The following LCLAT1 variants were observed in gnomAD, a reference collection of about 807,000 sequenced individuals.
The protein encoded by LCLAT1 is 1-AGP acyltransferase 8.
In LCLAT1, 11 loss-of-function variants were observed where a neutral mutation model predicts 30.7. That is an observed-to-expected ratio of 0.36 (90% CI 0.23 to 0.59). LCLAT1 has a LOEUF of 0.59. Among genes scored for constraint, LCLAT1 ranks in the 20% least tolerant of loss-of-function variants. LCLAT1 has a pLI of 0.77. For synonymous variants in LCLAT1, 155 were observed against 151.3 expected (o/e 1.02, Z -0.18); for missense variants, 402 against 458.6 (o/e 0.88, Z 1.13).
intron 5 of LCLAT1, among the ~76,000 whole-genome samples, chr2:30,590,129 T>C (rs1004529568): frequency 6.6e-6 from 1 of 152,162 alleles, no homozygotes; most frequent in Non-Finnish European, 1.5e-5. Flanking sequence ...GAGAAGTTTT[T>C]TAGAATCTGT....
At chr2:30,590,057 G>T (rs142154496) in intron 5 of LCLAT1, among the ~76,000 whole-genome samples, 1 of 152,076 alleles carries the variant, frequency 6.6e-6, no homozygotes, top group Non-Finnish European at 1.5e-5. Flanking sequence ...TCTGCCTTCA[G>T]TGTTGCCTTT....
intron 3 of LCLAT1, among the ~76,000 whole-genome samples, chr2:30,544,293 G>T (rs1664292145): frequency 6.6e-6 from 1 of 152,120 alleles, no homozygotes; most frequent in African/African-American, 2.4e-5. Flanking sequence ...GACCGATAGG[G>T]TCTTAACTCC....
chr2:30,501,423 TA>T (rs1276436894), intron 1 of LCLAT1, among the ~76,000 whole-genome samples: 2 of 152,084 alleles, frequency 1.3e-5, no homozygotes, highest in African/African-American at 4.8e-5. Context: ...ATAGATTTTG[TA>T]AAGAATATGA....
chr2:30,580,282 A>G (rs1434315093), intron 5 of LCLAT1, among the ~76,000 whole-genome samples: 7 of 152,308 alleles, frequency 4.6e-5, no homozygotes, highest in South Asian at 2.1e-4. Flanking sequence ...CTTTTCCAGC[A>G]TAGTTGGCCT....
rs1032132276 is a variant in LCLAT1, at chr2:30,559,615, A to G, written c.365-2531A>G. ...ACCTTTTTATTATTATAGATAATCT[A>G]TAGCTTTATTTAATTTTTGGCTTTG... On this transcript the variant is annotated intron_variant, in intron 3 of 5. Coordinates refer to ENST00000379509, the MANE Select transcript of LCLAT1 (RefSeq NM_001002257.3). 1.3e-5 allele frequency among the ~76,000 whole-genome samples: 2 copies of G among 152,322 alleles called. 1 individual carries two copies. Among genetic ancestry groups the G allele is most frequent in the South Asian group, 4.1e-4 (2 of 4,826 alleles).
At chr2:30,476,476 G>A (rs1005830866) in intron 1 of LCLAT1, 2 of 456,460 alleles carry the variant, frequency 4.4e-6, no homozygotes, top group African/African-American at 4.0e-5. Context: ...ATTCTTACAG[G>A]AACGCAGGCC....
chr2:30,470,259 G>A (rs1682707893), intron 1 of LCLAT1, among the ~76,000 whole-genome samples: 1 of 152,086 alleles, frequency 6.6e-6, no homozygotes, highest in Non-Finnish European at 1.5e-5. Flanking sequence ...GGGTAATCGG[G>A]GAAGTTACAA....
intron 1 of LCLAT1, among the ~76,000 whole-genome samples, chr2:30,463,470 G>C (rs1163742640): frequency 2.6e-5 from 4 of 152,108 alleles, no homozygotes; most frequent in African/African-American, 9.7e-5. Context: ...CTGAATGACT[G>C]CTTATGTTAA....
chr2:30,483,286 C>T (rs764450774), intron 1 of LCLAT1, among the ~76,000 whole-genome samples: 11 of 151,822 alleles, frequency 7.2e-5, no homozygotes, highest in Non-Finnish European at 1.0e-4. Context: ...CCCAGGAGTT[C>T]GAGACCAGCT....
At chr2:30,631,198 T>C (rs1212916350) in intron 5 of LCLAT1, among the ~76,000 whole-genome samples, 1 of 152,192 alleles carries the variant, frequency 6.6e-6, no homozygotes, top group Non-Finnish European at 1.5e-5. Context: ...CTGACCTCTA[T>C]GGTGTCAGCT....
At chr2:30,484,273 A>AG (rs1198429829) in intron 1 of LCLAT1, among the ~76,000 whole-genome samples, 1 of 152,178 alleles carries the variant, frequency 6.6e-6, no homozygotes, top group African/African-American at 2.4e-5. Context: ...AATGTGCTAA[A>AG]GGTTCTGCAG....
chr2:30,621,503 G>A (rs182871486), intron 5 of LCLAT1, among the ~76,000 whole-genome samples: 1 of 152,190 alleles, frequency 6.6e-6, no homozygotes, highest in Non-Finnish European at 1.5e-5. Flanking sequence ...CTCACATCGT[G>A]GGCTTTTGAT....
At chr2:30,627,456 G>A (rs759309253) in intron 5 of LCLAT1, among the ~76,000 whole-genome samples, 1 of 152,168 alleles carries the variant, frequency 6.6e-6, no homozygotes, top group Non-Finnish European at 1.5e-5. Context: ...CATGAGCCAT[G>A]CAGTTTGTTA....
chr2:30,602,775 C>T (rs1317515161), intron 5 of LCLAT1, among the ~76,000 whole-genome samples: 1 of 151,642 alleles, frequency 6.6e-6, no homozygotes, highest in Non-Finnish European at 1.5e-5. Flanking sequence ...ACTCTGACAG[C>T]AGGTTGATCC....
chr2:30,549,995 T>C (rs1700294678), intron 3 of LCLAT1, among the ~76,000 whole-genome samples: 3 of 152,334 alleles, frequency 2.0e-5, no homozygotes, highest in South Asian at 2.1e-4. Flanking sequence ...ACTATATCTT[T>C]AGAAATGCTG....
intron 3 of LCLAT1, among the ~76,000 whole-genome samples, chr2:30,541,805 T>A (rs1034186405): frequency 6.7e-6 from 1 of 149,394 alleles, no homozygotes; most frequent in Non-Finnish European, 1.5e-5. Flanking sequence ...GTAACTTCCA[T>A]ACAATTTTTC....
chr2:30,514,182 C>T (rs1179757366), intron 1 of LCLAT1, among the ~76,000 whole-genome samples: 1 of 152,186 alleles, frequency 6.6e-6, no homozygotes, highest in Admixed American at 6.5e-5. Context: ...AAATCAGCAA[C>T]TTGCTTTTGA....
chr2:30,627,039 TG>T (rs1301874134), intron 5 of LCLAT1, among the ~76,000 whole-genome samples: 1 of 152,212 alleles, frequency 6.6e-6, no homozygotes, highest in Non-Finnish European at 1.5e-5. Context: ...TCATGGTTAC[TG>T]ATACCTTTAA....
intron 5 of LCLAT1, among the ~76,000 whole-genome samples, chr2:30,571,968 A>C (rs1194534180): frequency 1.3e-5 from 2 of 152,184 alleles, no homozygotes; most frequent in Non-Finnish European, 2.9e-5. Flanking sequence ...TACACTGATG[A>C]GTGGATAAGC....
Sources: gnomAD v4.1 joint callset for allele counts (sites outside exome capture counted in the v4.1 genomes callset) on GRCh38, gnomAD v4.1.1 for gene constraint, MANE v1.5 for transcripts, NCBI Gene and HGNC (gene_info 2026-07-23, HGNC 2026-07-21) for gene names.